The following KDM4B variants were observed in gnomAD, a reference collection of about 807,000 sequenced individuals.
The protein encoded by KDM4B is lysine-specific demethylase 4B.
KDM4B carries 32 observed loss-of-function variants against 125.2 expected under a neutral mutation model. That is an observed-to-expected ratio of 0.26 (90% CI 0.19 to 0.34). KDM4B has a LOEUF of 0.34. Among genes scored for constraint, KDM4B ranks in the 10% least tolerant of loss-of-function variants. The probability of loss-of-function intolerance (pLI) is 1.00; values close to 1 mark genes in which losing one functional copy is unlikely to be tolerated. For synonymous variants in KDM4B, 721 were observed against 677.9 expected (o/e 1.06, Z -0.99); for missense variants, 1,190 against 1,577.7 (o/e 0.75, Z 4.16).
chr19:5,002,826 C>T (rs1203946805), intron 1 of KDM4B, among the ~76,000 whole-genome samples: 1 of 152,056 alleles, frequency 6.6e-6, no homozygotes, highest in Non-Finnish European at 1.5e-5. Flanking sequence ...TGGTGTATGC[C>T]TGTGGTCCCA....
At chr19:5,084,430 A>T (rs1352887602) in intron 9 of KDM4B, among the ~76,000 whole-genome samples, 5 of 140,718 alleles carry the variant, frequency 3.6e-5, no homozygotes, top group South Asian at 2.1e-4. Flanking sequence ...TATATATATA[A>T]ATATAAATTA....
At chr19:5,136,742 T>A (rs2146078662) in intron 15 of KDM4B, among the ~76,000 whole-genome samples, 1 of 152,172 alleles carries the variant, frequency 6.6e-6, no homozygotes, top group African/African-American at 2.4e-5. Flanking sequence ...CCTTCCACAC[T>A]GGGGGCAGTG....
intron 22 of KDM4B, 85 bp downstream of exon 22, chr19:5,150,535 A>G (rs62113182): frequency 0.029 from 28,303 of 982,758 alleles, 558 homozygotes; most frequent in South Asian, 0.037. Context: ...GCGTCTTCCA[A>G]TGGCGTGGAC....
At chr19:5,063,433 C>T (rs1045042846) in intron 6 of KDM4B, among the ~76,000 whole-genome samples, 1 of 152,170 alleles carries the variant, frequency 6.6e-6, no homozygotes, top group Non-Finnish European at 1.5e-5. Flanking sequence ...TGCTTGCCAA[C>T]CATGTGTGTA....
intron 5 of KDM4B, among the ~76,000 whole-genome samples, chr19:5,045,755 T>C (rs1183935323): frequency 6.6e-6 from 1 of 152,076 alleles, no homozygotes; most frequent in African/African-American, 2.4e-5. Context: ...TTTACAGGCA[T>C]GAGCCACCAT....
intron 1 of KDM4B, among the ~76,000 whole-genome samples, chr19:5,000,433 TCATCCATCCATC>T (rs144739599): frequency 1.3e-5 from 2 of 149,768 alleles, no homozygotes; most frequent in African/African-American, 2.5e-5. Flanking sequence ...ATCCATTTAT[TCATCCATCCATC>T]CATCCATCCA....
Position 5,131,944 on chromosome 19 carries a change from C to T in KDM4B, c.1843C>T (p.Leu615=), listed in dbSNP as rs45459493. The T allele has an allele frequency of 0.024, 37,954 of 1,612,360 alleles. 530 individuals are homozygous for T. Among genetic ancestry groups the T allele is most frequent in the Non-Finnish European group, 0.027 (32,066 of 1,179,666 alleles). Residue 615 remains leucine, a synonymous_variant, in exon 13 of 23, where the codon CTG becomes TTG. Coordinates refer to ENST00000159111, the MANE Select transcript of KDM4B (RefSeq NM_015015.3). ...MEIKKSRRHP[L]GRPPTRSPLS... Reference sequence around the variant, plus strand: ...GATCAAGAAGAGCCGGCGCCATCCCCTGGGCCGGCCGCCCACCCGGTCCCC... The same window carrying T: ...GATCAAGAAGAGCCGGCGCCATCCCTTGGGCCGGCCGCCCACCCGGTCCCC...
At chr19:5,150,329 A>G in intron 21 of KDM4B, 29 bp from the exon 22 acceptor site, 1 of 1,538,236 alleles carries the variant, frequency 6.5e-7, no homozygotes, top group Non-Finnish European at 8.8e-7. Flanking sequence ...TGGCAGTGCC[A>G]GGCCCCTGAG....
At chr19:4,974,630 C>T (rs568924363) in intron 1 of KDM4B, among the ~76,000 whole-genome samples, 12 of 149,566 alleles carry the variant, frequency 8.0e-5, no homozygotes, top group African/African-American at 2.0e-4. Flanking sequence ...CCCAGCTACT[C>T]GGGATGTGGG....
In KDM4B at chr19:5,056,916, G is replaced by T. The variant is rs930379232; in HGVS notation, c.626+9247G>T. Among the ~76,000 whole-genome samples, 35 of 142,760 alleles carry T rather than the reference G, an allele frequency of 2.5e-4. 1 individual carries two copies. The South Asian group carries it at 6.1e-3, about 25-fold the overall frequency. 93.7% of individuals were successfully genotyped at this position (142,760 alleles called of 152,430 possible). A position where few individuals can be genotyped will look rare whatever the true frequency, so the allele number is the denominator to read the frequency against. On this transcript the variant is annotated intron_variant, in intron 6 of 22. Transcript: ENST00000159111. ...GGGAGTCCTGGGGCGGGGAGTCCTGGGGTGTCTAGAGCCCTGCCTGTCCCG... is the reference window on the plus strand; with the variant it reads ...GGGAGTCCTGGGGCGGGGAGTCCTGTGGTGTCTAGAGCCCTGCCTGTCCCG...
intron 21 of KDM4B, among the ~76,000 whole-genome samples, chr19:5,146,244 C>CT (rs1555722765): frequency 1.1e-4 from 16 of 151,140 alleles, no homozygotes; most frequent in African/African-American, 3.2e-4. Context: ...GGACCCCCCC[C>CT]GCTCCGCCGT....
At chr19:4,973,563 T>A (rs879863115) in intron 1 of KDM4B, among the ~76,000 whole-genome samples, 1 of 152,184 alleles carries the variant, frequency 6.6e-6, no homozygotes, top group Non-Finnish European at 1.5e-5. Context: ...AATTTGTATC[T>A]TCCCAAATAC....
intron 2 of KDM4B, among the ~76,000 whole-genome samples, chr19:5,031,288 C>G (rs986185544): frequency 1.3e-5 from 2 of 152,216 alleles, no homozygotes; most frequent in African/African-American, 4.8e-5. Context: ...CCCGCGCAGT[C>G]AGAGGCTGGT....
chr19:5,055,783 T>C (rs2037376845), intron 6 of KDM4B, among the ~76,000 whole-genome samples: 2 of 152,212 alleles, frequency 1.3e-5, no homozygotes, highest in South Asian at 2.1e-4. Flanking sequence ...TTCTCCCCCT[T>C]TCTCTCTCTT....
chr19:4,977,322 A>G (rs996418977), intron 1 of KDM4B, among the ~76,000 whole-genome samples: 2 of 152,230 alleles, frequency 1.3e-5, no homozygotes, highest in African/African-American at 2.4e-5. Flanking sequence ...CTGCACCTCA[A>G]GACCCCGAGG....
Position 4,997,479 on chromosome 19 carries a change from TG to T in KDM4B, c.-108-18775del. 6.6e-6 allele frequency among the ~76,000 whole-genome samples: 1 copy of T among 152,132 alleles called. No individual in the cohort carries two copies. The highest frequency in any genetic ancestry group is 1.9e-4 in the East Asian group (1 of 5,182). On this transcript the variant is annotated intron_variant, in intron 1 of 22. Transcript: ENST00000159111. This position sits in a 1 kb window ranked among gnomAD's most constrained non-coding sequence, Gnocchi z 4.2. ...TTCCAACATGTCCACCCCAGCCGGC[TG>T]GGCCTGCGTACCCAGTGGGTGGCGC...
intron 6 of KDM4B, among the ~76,000 whole-genome samples, chr19:5,051,743 C>G (rs1266445973): frequency 6.6e-6 from 1 of 152,246 alleles, no homozygotes; most frequent in East Asian, 1.9e-4. Flanking sequence ...GTGAAGCCCC[C>G]AAGAGCAGCG....
At chr19:5,073,924 C>T (rs1452496216) in intron 7 of KDM4B, among the ~76,000 whole-genome samples, 1 of 152,138 alleles carries the variant, frequency 6.6e-6, no homozygotes, top group East Asian at 1.9e-4. Context: ...CAAGACCAGC[C>T]TCAGGAACAT....
intron 6 of KDM4B, among the ~76,000 whole-genome samples, chr19:5,067,224 T>G (rs78694355): frequency 0.015 from 2,344 of 152,276 alleles, 29 homozygotes; most frequent in Non-Finnish European, 0.027. Context: ...TGCACTGAGC[T>G]AAGTCTCCCC....
Sources: gnomAD v4.1 joint callset for allele counts (sites outside exome capture counted in the v4.1 genomes callset) on GRCh38, gnomAD v4.1.1 for gene constraint, Gnocchi (gnomAD v3.1) non-coding constraint, MANE v1.5 for transcripts, NCBI Gene and HGNC (gene_info 2026-07-23, HGNC 2026-07-21) for gene names.